ADAMTS13: variants seen among roughly 807,000 people sequenced by gnomAD.
ADAMTS13 encodes the protein A disintegrin and metalloproteinase with thrombospondin motifs 13.
ADAMTS13 carries 110 observed loss-of-function variants against 155.1 expected under a neutral mutation model. The ratio of observed to expected loss-of-function variants is 0.71; its 90% CI spans 0.61 to 0.83. The LOEUF (loss-of-function observed/expected upper bound fraction) is 0.83, where lower values mean the gene tolerates loss of function less well. Ranked by LOEUF, ADAMTS13 falls within the 40% of genes least tolerant of loss-of-function variation. ADAMTS13 has a pLI of 0.00. For missense variants in ADAMTS13, 1,707 were observed against 1,891.7 expected (o/e 0.90, Z 1.81); for synonymous variants, 758 against 756.4 (o/e 1.00, Z -0.03).
chr9:133,431,537 G>A (rs1416560317), intron 8 of ADAMTS13, among the ~76,000 whole-genome samples: 2 of 151,874 alleles, frequency 1.3e-5, no homozygotes, highest in Admixed American at 1.3e-4. Context: ...CATGTTGGCC[G>A]GGCTGGTCTC....
At chr9:133,420,302 G>A (rs934156037), upstream of ADAMTS13, among the ~76,000 whole-genome samples, 1 of 152,248 alleles carries the variant, frequency 6.6e-6, no homozygotes, top group Non-Finnish European at 1.5e-5. Context: ...TGATCCACCT[G>A]CCTCGGCCTC....
At position 133,449,443 on chromosome 9, in the gene ADAMTS13, C is replaced by A. The variant is rs587766206; in HGVS notation, c.2862-340C>A. Among the ~76,000 whole-genome samples the A allele has an allele frequency of 2.6e-3, 312 of 118,738 alleles. 3 individuals are homozygous for A. Among genetic ancestry groups the A allele is most frequent in the Admixed American group, 7.5e-3 (81 of 10,816 alleles). 77.9% of individuals were successfully genotyped at this position (118,738 alleles called of 152,430 possible). A position where few individuals can be genotyped will look rare whatever the true frequency, so the allele number is the denominator to read the frequency against. ...ACAGCGGGAGGGGAGGAGGGGAGGG[C>A]TGGCGGGGTGGGCTCCAGGGCGGTG... On this transcript the variant is annotated intron_variant, in intron 22 of 28. Coordinates refer to ENST00000355699, the MANE Select transcript of ADAMTS13 (RefSeq NM_139027.6).
intron 23 of ADAMTS13, among the ~76,000 whole-genome samples, chr9:133,453,462 G>A (rs1022030521): frequency 3.3e-5 from 5 of 151,652 alleles, no homozygotes; most frequent in Non-Finnish European, 5.9e-5. Flanking sequence ...CCTGGGCGAT[G>A]AGTGAGACTC....
At chr9:133,429,800 C>A in intron 7 of ADAMTS13, 139 bp from the exon 8 acceptor site, 3 of 1,169,902 alleles carry the variant, frequency 2.6e-6, no homozygotes, top group Non-Finnish European at 3.7e-6. Context: ...TGGTGGGGGG[C>A]GCGGGCCGAG....
chr9:133,441,447 C>T lies in ADAMTS13; in HGVS notation c.1968+922C>T, dbSNP rs147031674. Among the ~76,000 whole-genome samples, 10 of 152,340 alleles carry T rather than the reference C, an allele frequency of 6.6e-5. No individual in the cohort carries two copies. The highest frequency in any genetic ancestry group is 3.9e-4 in the East Asian group (2 of 5,190). ...TGCAGTGTGTAAAAAAGCAGATTCCCGGGTCCTCTGCATATTCCCTGAATC... is the reference window on the plus strand; with the variant it reads ...TGCAGTGTGTAAAAAAGCAGATTCCTGGGTCCTCTGCATATTCCCTGAATC... On this transcript the variant is annotated intron_variant, in intron 16 of 28. Coordinates refer to ENST00000355699, the MANE Select transcript of ADAMTS13 (RefSeq NM_139027.6). This position sits in a 1 kb window ranked among gnomAD's most constrained non-coding sequence, Gnocchi z 5.0.
At position 133,442,526 on chromosome 9, in the gene ADAMTS13, G is replaced by C; in HGVS notation, c.2096G>C (p.Cys699Ser). The C allele has an allele frequency of 6.2e-7, 1 of 1,613,662 alleles. No homozygotes were observed. Among genetic ancestry groups the C allele is most frequent in the Non-Finnish European group, 8.5e-7 (1 of 1,180,038 alleles). The change falls in exon 17 of 29, where the codon TGT becomes TCT. Residue 699 changes from cysteine to serine, a missense_variant. By Grantham distance (112) the Cys-to-Ser change is moderately radical (BLOSUM62 -1). Coordinates refer to ENST00000355699, the MANE Select transcript of ADAMTS13 (RefSeq NM_139027.6). ...GTGCGTGGGCCCTGCTCGGTGAGCTGTGGGGCAGGTGAGACCTGGGGAAGG... is the reference window on the plus strand; with the variant it reads ...GTGCGTGGGCCCTGCTCGGTGAGCTCTGGGGCAGGTGAGACCTGGGGAAGG... ...AAVRGPCSVS[C>S]GAGLRWVNYS...
In ADAMTS13 at chr9:133,432,592, T is replaced by C; in HGVS notation, c.992T>C (p.Met331Thr). Residue 331 changes from methionine (M) to threonine (T), a missense_variant, in exon 9 of 29, where the codon ATG (methionine) becomes ACG (threonine). Physicochemically the swap from Met to Thr is moderately conservative, Grantham distance 81. Transcript: ENST00000355699. ...ACTFAREHLD[M>T]CQALSCHTDP... ...CCCACCTGTCCACCCTCCTAGGATA[T>C]GTGCCAGGCCCTCTCCTGCCACACA... 6.4e-7 allele frequency: 1 copy of C among 1,552,154 alleles called. No homozygotes were observed. The highest frequency in any genetic ancestry group is 2.4e-5 in the East Asian group (1 of 41,218).
intron 1 of ADAMTS13, chr9:133,415,043 T>C: frequency 6.5e-7 from 1 of 1,546,222 alleles, no homozygotes; most frequent in Non-Finnish European, 8.7e-7. Flanking sequence ...ATGCTGCATT[T>C]GAATTTGGAA....
Position 133,456,457 on chromosome 9 carries a change from TGAACTC to T in ADAMTS13, c.3548-84_3548-79del, listed in dbSNP as rs1842747773. The T allele has an allele frequency of 6.5e-7, 1 of 1,535,250 alleles. No individual in the cohort carries two copies. Among genetic ancestry groups the T allele is most frequent in the Non-Finnish European group, 8.9e-7 (1 of 1,128,974 alleles). On this transcript the variant is annotated intron_variant, in intron 26 of 28. Coordinates refer to ENST00000355699, the MANE Select transcript of ADAMTS13 (RefSeq NM_139027.6). This position sits in a 1 kb window ranked among gnomAD's most constrained non-coding sequence, Gnocchi z 4.4. ...AGCCAGCAGTGGGAGAGGTGGGACTTGAACTCGGCTCAGTCTACCCTGGAGCCACTC... is the reference window on the plus strand; with the variant it reads ...AGCCAGCAGTGGGAGAGGTGGGACTTGGCTCAGTCTACCCTGGAGCCACTC...
At chr9:133,437,684 TG>T (rs1841340387) in intron 12 of ADAMTS13, 64 bp from the exon 13 acceptor site, 1 of 1,601,838 alleles carries the variant, frequency 6.2e-7, no homozygotes, top group African/African-American at 1.3e-5. Flanking sequence ...TGAAGCTGGG[TG>T]GGGGCTGGGG....
In ADAMTS13 at chr9:133,442,723, G is replaced by C. The variant is rs781830585; in HGVS notation, c.2214G>C (p.Val738=). 45 of 1,612,762 alleles carry C rather than the reference G, an allele frequency of 2.8e-5. No individual in the cohort carries two copies. The highest frequency in any genetic ancestry group is 3.3e-5 in the South Asian group (3 of 91,088). ...QQPPAWPEAC[V]LEPCPPYWAV... is the part of the protein sequence containing the mutation. ...CACCAGCGTGGCCAGAGGCCTGCGT[G>C]CTCGAACCCTGCCCTCCCTAGTGAG... The change falls in exon 18 of 29, where the codon GTG becomes GTC. Residue 738 remains valine, a synonymous_variant. Coordinates refer to ENST00000355699, the MANE Select transcript of ADAMTS13 (RefSeq NM_139027.6).
chr9:133,431,099 G>A (rs1403979367), intron 8 of ADAMTS13, among the ~76,000 whole-genome samples: 1 of 152,004 alleles, frequency 6.6e-6, no homozygotes, highest in Non-Finnish European at 1.5e-5. Flanking sequence ...GGAGTAGCTG[G>A]GACTACAGGC....
chr9:133,436,044 C>T (rs1158676294), intron 11 of ADAMTS13, among the ~76,000 whole-genome samples: 4 of 148,420 alleles, frequency 2.7e-5, no homozygotes, highest in South Asian at 2.1e-4. Flanking sequence ...TCTTGAACTC[C>T]GACCCCAGGT....
chr9:133,422,570 G>A lies in ADAMTS13; in HGVS notation c.105+22G>A, dbSNP rs782746316. The stretch of plus-strand genomic sequence containing the variant: ...GCAGGTGGGCTCATTTGCAGGAGCG[G>A]GGGTATTCTGGGAGCCTCTGGGTGG... On this transcript the variant is annotated intron_variant, in intron 1 of 28. Coordinates refer to ENST00000355699, the MANE Select transcript of ADAMTS13 (RefSeq NM_139027.6). 3 of 1,612,574 alleles carry A rather than the reference G, an allele frequency of 1.9e-6. No individual in the cohort carries two copies. In the South Asian group the frequency reaches 3.3e-5, roughly 18 times the overall value.
chr9:133,422,248 A>C, upstream of ADAMTS13: 1 of 624,884 alleles, frequency 1.6e-6, no homozygotes. Flanking sequence ...AGCAAGGCCC[A>C]GCTTGCAGCA....
At chr9:133,446,148 C>G (rs1254726013) in intron 21 of ADAMTS13, among the ~76,000 whole-genome samples, 3 of 152,318 alleles carry the variant, frequency 2.0e-5, no homozygotes, top group Non-Finnish European at 4.4e-5. Context: ...CAGCGTTCTT[C>G]TATTTTCCCA....
At chr9:133,438,076 C>T (rs1341525466) in intron 13 of ADAMTS13, among the ~76,000 whole-genome samples, 170 bp from the exon 14 acceptor site, 3 of 152,132 alleles carry the variant, frequency 2.0e-5, no homozygotes, top group Non-Finnish European at 4.4e-5. Context: ...GCAGTGTGAC[C>T]TTGGGCAAGT....
chr9:133,432,647 C>A lies in ADAMTS13; in HGVS notation c.1047C>A (p.Arg349=). ...CGCTGGACCAAAGCAGCTGCAGCCG[C>A]CTCCTCGTTCCTCTCCTGGATGGGA... The part of the protein sequence containing the change: ...TDPLDQSSCS[R]LLVPLLDGTE... Residue 349 remains arginine (R), a synonymous_variant, in exon 9 of 29, where the codon CGC becomes CGA. Transcript: ENST00000355699. 6.4e-7 allele frequency: 1 copy of A among 1,559,364 alleles called. No homozygotes were observed. Among genetic ancestry groups the A allele is most frequent in the East Asian group, 2.4e-5 (1 of 42,160 alleles).
chr9:133,446,150 A>G (rs1842053497), intron 21 of ADAMTS13, among the ~76,000 whole-genome samples: 1 of 152,108 alleles, frequency 6.6e-6, no homozygotes. Flanking sequence ...GCGTTCTTCT[A>G]TTTTCCCAAT....
Sources: allele counts gnomAD v4.1 joint callset (sites outside exome capture counted in the v4.1 genomes callset), GRCh38; gene constraint gnomAD v4.1.1; non-coding constraint Gnocchi (gnomAD v3.1); transcripts MANE v1.5; gene names NCBI Gene and HGNC (gene_info 2026-07-23, HGNC 2026-07-21).